The following CRTAC1 variants were observed in gnomAD, a reference collection of about 807,000 sequenced individuals.
CRTAC1 encodes the protein acidic secreted protein in cartilage.
Under a neutral mutation model 67.8 loss-of-function variants are expected in CRTAC1, and 37 were observed. That is an observed-to-expected ratio of 0.55 (90% CI 0.42 to 0.72). CRTAC1 has a LOEUF of 0.72. Among genes scored for constraint, CRTAC1 ranks in the 30% least tolerant of loss-of-function variants. The pLI is 0.00. For missense variants in CRTAC1, 780 were observed against 931.6 expected, an observed-to-expected ratio of 0.84 and a Z score of 2.12; for synonymous variants, 348 against 371.0, an observed-to-expected ratio of 0.94 and a Z score of 0.71.
intron 2 of CRTAC1, among the ~76,000 whole-genome samples, chr10:97,979,883 G>C (rs1181582620): frequency 6.6e-6 from 1 of 152,172 alleles, no homozygotes; most frequent in Non-Finnish European, 1.5e-5. Context: ...CTTGCCTGAT[G>C]ATAAAAATAA....
In CRTAC1 at chr10:97,936,207, C is replaced by T. The variant is rs759063522; in HGVS notation, c.384G>A (p.Glu128=). Residue 128 remains glutamate, a synonymous_variant, in exon 3 of 15, where the codon GAG becomes GAA. Coordinates refer to ENST00000370597, the MANE Select transcript of CRTAC1 (RefSeq NM_018058.7). ...TATTGGTGTTGAGGAAGTAGATCTC[C>T]TCCCGGCCGTCCCCGTCGATGTCGC... ...TACDIDGDGR[E]EIYFLNTNNA... 1.9e-6 allele frequency: 3 copies of T among 1,613,550 alleles called. No individual in the cohort carries two copies. In the African/African-American group the frequency reaches 4.0e-5, roughly 22 times the overall value.
At chr10:97,951,460 G>C (rs1019853589) in intron 2 of CRTAC1, among the ~76,000 whole-genome samples, 1 of 152,156 alleles carries the variant, frequency 6.6e-6, no homozygotes, top group African/African-American at 2.4e-5. Context: ...TCATTCAGAG[G>C]GGTCTTTGTT....
intron 2 of CRTAC1, among the ~76,000 whole-genome samples, chr10:97,991,099 CAAAA>C (rs757267901): frequency 7.8e-4 from 14 of 17,972 alleles, no homozygotes; most frequent in Admixed American, 3.0e-3. Context: ...ACCATCTCTA[CAAAA>C]AAAAAAAAAA....
chr10:97,880,254 C>T lies in CRTAC1; in HGVS notation c.1814G>A (p.Cys605Tyr). 1 of 1,614,164 alleles carries T rather than the reference C, an allele frequency of 6.2e-7. No homozygotes were observed. The highest frequency in any genetic ancestry group is 8.5e-7 in the Non-Finnish European group (1 of 1,179,988). The change falls in exon 14 of 15, where the codon TGC becomes TAC. Residue 605 changes from cysteine to tyrosine, a missense_variant. Physicochemically the swap from Cys to Tyr is radical, Grantham distance 194. Transcript: ENST00000370597. The stretch of plus-strand genomic sequence containing the variant: ...ATGGCTGGGGCCCCACTCACCCACG[C>T]AGGCTGTGCCATCCTCGTTGGGCTC... ...GYEPNEDGTA[C>Y]VGTLGQSPGP...
At chr10:98,014,836 T>G (rs1439702448) in intron 1 of CRTAC1, among the ~76,000 whole-genome samples, 1 of 152,232 alleles carries the variant, frequency 6.6e-6, no homozygotes, top group African/African-American at 2.4e-5. Flanking sequence ...GGAATCCTTG[T>G]GCACTGCTGG....
At chr10:98,019,867 G>A (rs877001) in intron 1 of CRTAC1, among the ~76,000 whole-genome samples, 29,828 of 152,174 alleles carry the variant, frequency 0.2, 3,071 homozygotes, top group Middle Eastern at 0.22. Context: ...AGCCCCACCT[G>A]TCTTGTCCTT....
chr10:97,965,958 G>T (rs2051608510), intron 2 of CRTAC1, among the ~76,000 whole-genome samples: 1 of 152,222 alleles, frequency 6.6e-6, no homozygotes, highest in Non-Finnish European at 1.5e-5. Flanking sequence ...CAGGGGAGAG[G>T]TGATTGTGAT....
chr10:97,893,184 G>A (rs1053591445), intron 11 of CRTAC1, among the ~76,000 whole-genome samples: 4 of 152,322 alleles, frequency 2.6e-5, no homozygotes, highest in African/African-American at 9.6e-5. Context: ...TCTAGAATAA[G>A]TGAGAGTTAC....
intron 2 of CRTAC1, among the ~76,000 whole-genome samples, chr10:97,999,555 C>A (rs559325425): frequency 2.6e-5 from 4 of 152,196 alleles, no homozygotes; most frequent in African/African-American, 9.6e-5. Flanking sequence ...CCTGCAAATG[C>A]CCCTTGGCAC....
chr10:97,944,077 G>A (rs2051220712), intron 2 of CRTAC1, among the ~76,000 whole-genome samples: 1 of 152,180 alleles, frequency 6.6e-6, no homozygotes, highest in South Asian at 2.1e-4. Flanking sequence ...AAGATTTTAG[G>A]TCTTAGGATG....
intron 6 of CRTAC1, among the ~76,000 whole-genome samples, chr10:97,905,215 A>G (rs904688314): frequency 3.4e-4 from 52 of 152,040 alleles, no homozygotes; most frequent in African/African-American, 1.2e-3. Context: ...ATGCCCTCCA[A>G]TCCTTTTAGG....
chr10:97,889,456 G>T (rs983949195), intron 11 of CRTAC1, among the ~76,000 whole-genome samples: 3 of 141,746 alleles, frequency 2.1e-5, no homozygotes, highest in Non-Finnish European at 4.9e-5. Context: ...AACTTGGTGG[G>T]GGGGGGTCCA....
chr10:97,967,798 G>C (rs1366289204), intron 2 of CRTAC1, among the ~76,000 whole-genome samples: 4 of 152,302 alleles, frequency 2.6e-5, no homozygotes, highest in African/African-American at 9.6e-5. Flanking sequence ...AATAAGGAAA[G>C]GAGGGGTCTG....
At chr10:97,973,481 T>A (rs1161526150) in intron 2 of CRTAC1, among the ~76,000 whole-genome samples, 1 of 151,960 alleles carries the variant, frequency 6.6e-6, no homozygotes, top group Non-Finnish European at 1.5e-5. Flanking sequence ...TCTTGTTTAC[T>A]TCCTATCCCA....
chr10:97,978,140 A>C (rs1263487740), intron 2 of CRTAC1, among the ~76,000 whole-genome samples: 1 of 152,048 alleles, frequency 6.6e-6, no homozygotes, highest in Non-Finnish European at 1.5e-5. Context: ...ATGACCTAAG[A>C]CTTTGCTACG....
At chr10:98,011,623 T>A (rs375966482) in intron 1 of CRTAC1, among the ~76,000 whole-genome samples, 30 of 152,230 alleles carry the variant, frequency 2.0e-4, no homozygotes, top group African/African-American at 6.5e-4. Flanking sequence ...AATTTACTTA[T>A]GATTACACTT....
At chr10:98,019,166 G>T (rs897399653) in intron 1 of CRTAC1, among the ~76,000 whole-genome samples, 1 of 152,148 alleles carries the variant, frequency 6.6e-6, no homozygotes, top group African/African-American at 2.4e-5. Flanking sequence ...GCAGGAGGAG[G>T]AGCAGGAAGG....
chr10:97,959,123 A>G (rs1481976702), intron 2 of CRTAC1, among the ~76,000 whole-genome samples: 9 of 152,190 alleles, frequency 5.9e-5, no homozygotes, highest in African/African-American at 1.4e-4. Flanking sequence ...TACCAGTAAT[A>G]AGTAAATGGT....
chr10:97,971,719 A>G (rs768435332), intron 2 of CRTAC1, among the ~76,000 whole-genome samples: 3 of 152,210 alleles, frequency 2.0e-5, no homozygotes, highest in Non-Finnish European at 4.4e-5. Context: ...TTGAACACAG[A>G]GCTGCAGCTA....
Sources: allele counts gnomAD v4.1 joint callset (sites outside exome capture counted in the v4.1 genomes callset), GRCh38; gene constraint gnomAD v4.1.1; transcripts MANE v1.5; gene names NCBI Gene and HGNC (gene_info 2026-07-23, HGNC 2026-07-21).